The following CPLANE1 variants were observed in gnomAD, a reference collection of about 807,000 sequenced individuals.
CPLANE1 encodes ciliogenesis and planar polarity effector 1.
Under a neutral mutation model 362.5 loss-of-function variants are expected in CPLANE1, and 263 were observed. The ratio of observed to expected loss-of-function variants is 0.73; its 90% CI spans 0.66 to 0.80. CPLANE1 has a LOEUF of 0.80. Ranked by LOEUF, CPLANE1 falls within the 30% of genes least tolerant of loss-of-function variation. The pLI is 0.00. For synonymous variants in CPLANE1, 1,212 were observed against 1,302.6 expected (o/e 0.93, Z 1.50); for missense variants, 3,461 against 3,793.4 (o/e 0.91, Z 2.30).
At chr5:37,231,165 T>C in intron 8 of CPLANE1, 116 bp from the exon 9 acceptor site, 1 of 562,414 alleles carries the variant, frequency 1.8e-6, no homozygotes, top group Middle Eastern at 3.1e-4. Flanking sequence ...GGCAAAAGAA[T>C]GACTAATAGT....
At chr5:37,102,218 C>T (rs911652676), downstream of CPLANE1, among the ~76,000 whole-genome samples, 6 of 151,944 alleles carry the variant, frequency 3.9e-5, no homozygotes, top group Admixed American at 6.6e-5. Flanking sequence ...GATGGAGTCT[C>T]GCTCTGTTGC....
intron 21 of CPLANE1, among the ~76,000 whole-genome samples, chr5:37,188,388 T>C (rs1381256490): frequency 6.6e-6 from 1 of 152,220 alleles, no homozygotes; most frequent in Non-Finnish European, 1.5e-5. Flanking sequence ...AACCATCTCA[T>C]GTTCTATGGT....
chr5:37,157,576 G>T (rs1327610065), intron 40 of CPLANE1, 94 bp downstream of exon 40: 1 of 1,177,800 alleles, frequency 8.5e-7, no homozygotes, highest in Non-Finnish European at 1.2e-6. Flanking sequence ...CAGTGGGTTT[G>T]TAGGAGGAGA....
Position 37,170,287 on chromosome 5 carries a change from T to C in CPLANE1, c.6216A>G (p.Ser2072=). The change falls in exon 33 of 53, where the codon TCA becomes TCG. Residue 2072 remains serine (S), a synonymous_variant. Transcript: ENST00000651892. ...NFMSLMQIVG[S]SFANLPDTQQ... ...GTGTATCTGGGAGATTAGCAAAGGATGATCCTACTATTTGCATTAGGCTCA... is the reference window on the plus strand; with the variant it reads ...GTGTATCTGGGAGATTAGCAAAGGACGATCCTACTATTTGCATTAGGCTCA... The C allele has an allele frequency of 6.2e-7, 1 of 1,614,236 alleles. No homozygotes were observed. Among genetic ancestry groups the C allele is most frequent in the African/African-American group, 1.3e-5 (1 of 75,072 alleles).
At chr5:37,120,365 T>G (rs977009907) in intron 49 of CPLANE1, 25 bp from the exon 50 acceptor site, 2 of 1,536,352 alleles carry the variant, frequency 1.3e-6, no homozygotes, top group Admixed American at 2.4e-5. Context: ...ACATAATTAT[T>G]ACATTCCCAG....
chr5:37,178,470 A>G (rs981565185), intron 29 of CPLANE1, among the ~76,000 whole-genome samples: 11 of 151,184 alleles, frequency 7.3e-5, no homozygotes, highest in Non-Finnish European at 1.6e-4. Flanking sequence ...TTAGCTGGGC[A>G]TAGTGGTGTG....
the CPLANE1 span, among the ~76,000 whole-genome samples, chr5:37,080,171 T>C: frequency 6.6e-6 from 1 of 152,194 alleles, no homozygotes; most frequent in Non-Finnish European, 1.5e-5. Flanking sequence ...AAAATATATG[T>C]AAGGCAATTT....
At chr5:37,149,546 AG>A (rs1772860120) in intron 42 of CPLANE1, among the ~76,000 whole-genome samples, 2 of 152,324 alleles carry the variant, frequency 1.3e-5, no homozygotes, top group East Asian at 3.9e-4. Context: ...ATGGATATAG[AG>A]GGCCGACTGT....
chr5:37,157,626 G>T (rs1415955595), intron 40 of CPLANE1, 44 bp downstream of exon 40: 5 of 1,530,962 alleles, frequency 3.3e-6, no homozygotes, highest in Non-Finnish European at 3.6e-6. Flanking sequence ...CTATATTAAA[G>T]AACTTTTCAA....
intron 28 of CPLANE1, 31 bp downstream of exon 28, chr5:37,179,986 C>T: frequency 1.4e-6 from 2 of 1,472,832 alleles, no homozygotes; most frequent in South Asian, 2.8e-5. Context: ...ATTAATAAAG[C>T]CAAAAAAATA....
chr5:37,217,933 T>C (rs1027851971), intron 15 of CPLANE1, among the ~76,000 whole-genome samples: 2 of 151,734 alleles, frequency 1.3e-5, no homozygotes, highest in African/African-American at 2.4e-5. Context: ...TGAGCCGAGA[T>C]CGTGCCTCTG....
At chr5:37,199,047 T>C (rs1247968607) in intron 19 of CPLANE1, among the ~76,000 whole-genome samples, 181 bp from the exon 20 acceptor site, 1 of 137,374 alleles carries the variant, frequency 7.3e-6, no homozygotes, top group Non-Finnish European at 1.5e-5. Flanking sequence ...AAGTGAGCCA[T>C]GATTGCATCA....
At chr5:37,239,979 G>A (rs1799976528) in intron 6 of CPLANE1, 110 bp from the exon 7 acceptor site, 4 of 655,190 alleles carry the variant, frequency 6.1e-6, no homozygotes, top group Non-Finnish European at 7.1e-6. Flanking sequence ...ATGTGCACAT[G>A]TACTTAGGGA....
At chr5:37,240,148 C>A (rs1405195111) in intron 6 of CPLANE1, among the ~76,000 whole-genome samples, 1 of 152,018 alleles carries the variant, frequency 6.6e-6, no homozygotes, top group Non-Finnish European at 1.5e-5. Context: ...GGCCAGGAGT[C>A]TGAGACCAGC....
At chr5:37,204,381 T>TTAAAAAGTAAAAA (rs1357529863) in intron 18 of CPLANE1, among the ~76,000 whole-genome samples, 1 of 152,206 alleles carries the variant, frequency 6.6e-6, no homozygotes, top group Admixed American at 6.5e-5. Flanking sequence ...AATGACTGAT[T>TTAAAAAGTAAAAA]TCATTACTTT....
chr5:37,153,879 C>T lies in CPLANE1; in HGVS notation c.8234G>A (p.Ser2745Asn). 6.2e-7 allele frequency: 1 copy of T among 1,614,098 alleles called. No homozygotes were observed. The highest frequency in any genetic ancestry group is 2.2e-5 in the East Asian group (1 of 44,880). The change falls in exon 42 of 53, where the codon AGC (serine) becomes AAC (asparagine). Residue 2745 changes from serine (S) to asparagine (N), a missense_variant. Ser to Asn is a conservative substitution (Grantham distance 46). Around this residue, in one of 2 missense-constraint regions of CPLANE1, gnomAD observed 3,380 missense variants for 3,666.1 expected, o/e 0.92. Transcript: ENST00000651892. Reference sequence around the variant, plus strand: ...ATGCTCTAGTTGGTGAGCTGCAGAGCTTGGTGCAGGGCAAGCTGCAGAGAC... The same window carrying T: ...ATGCTCTAGTTGGTGAGCTGCAGAGTTTGGTGCAGGGCAAGCTGCAGAGAC... ...QGVSAACPAPSSAAHQLEHLS... is the reference protein window; with the variant it reads ...QGVSAACPAPNSAAHQLEHLS...
At chr5:37,141,781 T>A in intron 44 of CPLANE1, 1 of 981,548 alleles carries the variant, frequency 1.0e-6, no homozygotes, top group Non-Finnish European at 1.2e-6. Flanking sequence ...GAATAACAGT[T>A]TTAATTGCTA....
At chr5:37,196,083 A>G (rs1787329737) in intron 20 of CPLANE1, 87 bp from the exon 21 acceptor site, 1 of 1,106,706 alleles carries the variant, frequency 9.0e-7, no homozygotes, top group Non-Finnish European at 1.2e-6. Flanking sequence ...GGCAGGTAAG[A>G]TAAGCCACAC....
chr5:37,096,768 G>C, the CPLANE1 span, among the ~76,000 whole-genome samples: 1 of 152,078 alleles, frequency 6.6e-6, no homozygotes, highest in South Asian at 2.1e-4. Context: ...ATTCTCAAAA[G>C]AAGATACACA....
Sources: allele counts gnomAD v4.1 joint callset (sites outside exome capture counted in the v4.1 genomes callset), GRCh38; gene constraint gnomAD v4.1.1; regional missense constraint gnomAD v4.1.1; transcripts MANE v1.5; gene names NCBI Gene and HGNC (gene_info 2026-07-23, HGNC 2026-07-21).